The following SLC35E4 variants were observed in gnomAD, a reference collection of about 807,000 sequenced individuals.
The protein encoded by SLC35E4 is solute carrier family 35 member E4.
SLC35E4 carries 15 observed loss-of-function variants against 19.3 expected under a neutral mutation model. That is an observed-to-expected ratio of 0.78 (90% confidence interval 0.52 to 1.20). The LOEUF (loss-of-function observed/expected upper bound fraction) is 1.20. Among genes scored for constraint, SLC35E4 ranks in the 50% most tolerant of loss-of-function variants. The pLI, the probability that SLC35E4 is intolerant of heterozygous loss-of-function variation, is 0.00. For synonymous variants in SLC35E4, 219 were observed against 219.9 expected, an observed-to-expected ratio of 1.00 and a Z score of 0.04; for missense variants, 406 against 472.3, an observed-to-expected ratio of 0.86 and a Z score of 1.30.
Position 30,647,267 on chromosome 22 carries a change from G to A in SLC35E4, c.*236G>A, listed in dbSNP as rs112045007. On this transcript the variant is annotated 3_prime_UTR_variant, in exon 2 of 2. Coordinates refer to ENST00000343605, the MANE Select transcript of SLC35E4 (RefSeq NM_001001479.4). ...AGAAAAATTAGCTGGGCATGGTGGC[G>A]CGTGCCTATAGTCCCAGCTACATGG... 2,747 of 550,446 alleles carry A rather than the reference G, an allele frequency of 5.0e-3. 49 individuals are homozygous for A. Among genetic ancestry groups the A allele is most frequent in the African/African-American group, 0.046 (2,444 of 52,954 alleles). The allele number at this position is 550,446 out of a possible 1,614,324, so 34.1% of individuals were successfully genotyped here.
At chr22:30,655,293 G>A (rs1478560271) in intron 2 of SLC35E4, among the ~76,000 whole-genome samples, 2 of 141,474 alleles carry the variant, frequency 1.4e-5, no homozygotes, top group African/African-American at 5.1e-5. Context: ...CTGTCTCTAC[G>A]GAAAAAAAAA....
downstream of SLC35E4, chr22:30,663,502 T>C (rs1314508449): frequency 6.2e-7 from 1 of 1,614,086 alleles, no homozygotes; most frequent in African/African-American, 1.3e-5. Flanking sequence ...ACTGGGGAAC[T>C]GACCATGTGC....
At chr22:30,650,959 T>TCC (rs936201512), downstream of SLC35E4, among the ~76,000 whole-genome samples, 8 of 149,918 alleles carry the variant, frequency 5.3e-5, no homozygotes, top group African/African-American at 1.5e-4. Flanking sequence ...CCTTCTACCC[T>TCC]CCCCTGGTGG....
Position 30,637,020 on chromosome 22 carries a change from C to G in SLC35E4, c.570C>G (p.Gly190=). Residue 190 remains glycine (G), a synonymous_variant, in exon 1 of 2, where the codon GGC becomes GGG. Transcript: ENST00000343605. Reference sequence around the variant, plus strand: ...TCCGGACACCCCCTACCGGCTGTGGCTTCCTGCTCGCAGCCACCTGCCTCC... The same window carrying G: ...TCCGGACACCCCCTACCGGCTGTGGGTTCCTGCTCGCAGCCACCTGCCTCC... ...GEFRTPPTGC[G]FLLAATCLRG... 1 of 1,594,200 alleles carries G rather than the reference C, an allele frequency of 6.3e-7. No homozygotes were observed. Among genetic ancestry groups the G allele is most frequent in the Non-Finnish European group, 8.6e-7 (1 of 1,166,958 alleles).
At chr22:30,651,377 G>T (rs779269231), downstream of SLC35E4, among the ~76,000 whole-genome samples, 4,447 of 23,806 alleles carry the variant, frequency 0.19, 157 homozygotes, top group South Asian at 0.28. Flanking sequence ...ATTTTTGTGT[G>T]TGTGTGTGTG....
intron 2 of SLC35E4, among the ~76,000 whole-genome samples, chr22:30,658,679 T>C (rs1229506841): frequency 2.6e-5 from 4 of 151,972 alleles, no homozygotes; most frequent in African/African-American, 7.2e-5. Context: ...GCTTGTGAAA[T>C]AGATCCCATA....
At chr22:30,654,205 CAATCTCCT>C (rs1226769156) in intron 2 of SLC35E4, 1 of 309,290 alleles carries the variant, frequency 3.2e-6, no homozygotes, top group African/African-American at 2.2e-5. Context: ...AGGATGGTCT[CAATCTCCT>C]GACCTCCTGA....
In SLC35E4 at chr22:30,636,183, A is replaced by G; in HGVS notation, c.-268A>G. On this transcript the variant is annotated 5_prime_UTR_variant, in exon 1 of 2. Transcript: ENST00000343605. ...GTGGAGACCACCTGGCACGGGGCAG[A>G]GGTGCCTGGAGCCCACGCTTGAGCA... 1 of 473,606 alleles carries G rather than the reference A, an allele frequency of 2.1e-6. No homozygotes were observed. Among genetic ancestry groups the G allele is most frequent in the East Asian group, 3.2e-5 (1 of 30,986 alleles). 29.3% of individuals were successfully genotyped at this position (473,606 alleles called of 1,614,324 possible). A position where few individuals can be genotyped will look rare whatever the true frequency, so the allele number is the denominator to read the frequency against.
downstream of SLC35E4, chr22:30,663,418 C>T: frequency 6.3e-7 from 1 of 1,591,548 alleles, no homozygotes; most frequent in Non-Finnish European, 8.6e-7. Flanking sequence ...GACTCCAATG[C>T]AGGGGCTCGT....
intron 2 of SLC35E4, among the ~76,000 whole-genome samples, chr22:30,653,651 GCC>G (rs2088272312): frequency 6.6e-6 from 1 of 152,106 alleles, no homozygotes; most frequent in African/African-American, 2.4e-5. Flanking sequence ...TTGGGATACA[GCC>G]CTGAGCCACC....
rs184128158 is a variant in SLC35E4 at position 30,657,633 on chromosome 22, G to A, written c.*9-4427G>A. Among the ~76,000 whole-genome samples the A allele has an allele frequency of 3.2e-3, 482 of 151,550 alleles. 1 individual carries two copies. Among genetic ancestry groups the A allele is most frequent in the African/African-American group, 8.0e-3 (330 of 41,312 alleles). Reference sequence around the variant, plus strand: ...AAGATTTAAAAAATAGGCCAGGCGCGGTGGCTCATGCCTGTAATCCCAGTA... The same window carrying A: ...AAGATTTAAAAAATAGGCCAGGCGCAGTGGCTCATGCCTGTAATCCCAGTA... On this transcript the variant is annotated intron_variant, in intron 2 of 2. Coordinates refer to the SLC35E4 transcript ENST00000406566.
chr22:30,650,297 A>G (rs1179231696), downstream of SLC35E4, among the ~76,000 whole-genome samples: 6 of 151,804 alleles, frequency 4.0e-5, no homozygotes, highest in Non-Finnish European at 8.8e-5. Flanking sequence ...ATGCCATTGC[A>G]CTGTAGCCTG....
At chr22:30,667,188 C>G (rs1432110214), downstream of SLC35E4, 1 of 152,092 alleles carries the variant, frequency 6.6e-6, no homozygotes, top group African/African-American at 2.4e-5. Flanking sequence ...TTCCATTTTA[C>G]AAAAGAGGAA....
chr22:30,659,759 C>CTGCAGATGTAACTTA (rs1423406507), intron 2 of SLC35E4, among the ~76,000 whole-genome samples: 1 of 152,206 alleles, frequency 6.6e-6, no homozygotes, highest in Non-Finnish European at 1.5e-5. Flanking sequence ...ACAAAGGAGA[C>CTGCAGATGTAACTTA]TGCAGATGTA....
At chr22:30,654,980 A>C (rs1417072249) in intron 2 of SLC35E4, among the ~76,000 whole-genome samples, 1 of 152,192 alleles carries the variant, frequency 6.6e-6, no homozygotes, top group Non-Finnish European at 1.5e-5. Context: ...ACTGAAGCCC[A>C]AAGAATAGAA....
downstream of SLC35E4, among the ~76,000 whole-genome samples, chr22:30,666,544 C>T (rs1247389028): frequency 7.4e-6 from 1 of 134,536 alleles, no homozygotes; most frequent in African/African-American, 2.9e-5. Flanking sequence ...ATTGCTTGAA[C>T]CCGGGAGGCG....
Position 30,644,299 on chromosome 22 carries a change from AT to A in SLC35E4, c.620-2298del, listed in dbSNP as rs2088093022. ...AAATTTCCTATTCTAAGCATAGCCT[AT>A]GAGTAAGCATCTCTGTGGCTTTTTG... On this transcript the variant is annotated intron_variant, in intron 1 of 1. Coordinates refer to ENST00000343605, the MANE Select transcript of SLC35E4 (RefSeq NM_001001479.4). 3.3e-5 allele frequency among the ~76,000 whole-genome samples: 5 copies of A among 152,234 alleles called. No homozygotes were observed. The South Asian group carries it at 8.3e-4, about 25-fold the overall frequency.
In SLC35E4 at chr22:30,637,059, G is replaced by A. The variant is rs375881400; in HGVS notation, c.609G>A (p.Ser203=). The part of the protein sequence containing the change: ...LAATCLRGLK[S]VQQSALLQEE... Reference sequence around the variant, plus strand: ...CCACCTGCCTCCGCGGACTCAAGTCGGTTCAGCAAAGTAAGTGCCTGGGTG... The same window carrying A: ...CCACCTGCCTCCGCGGACTCAAGTCAGTTCAGCAAAGTAAGTGCCTGGGTG... The change falls in exon 1 of 2, where the codon TCG becomes TCA. Residue 203 remains serine, a synonymous_variant. Coordinates refer to ENST00000343605, the MANE Select transcript of SLC35E4 (RefSeq NM_001001479.4). 36 of 1,565,604 alleles carry A rather than the reference G, an allele frequency of 2.3e-5. No individual in the cohort carries two copies. In the African/African-American group the frequency reaches 4.2e-4, roughly 18 times the overall value.
Position 30,636,546 on chromosome 22 carries a change from G to A in SLC35E4, c.96G>A (p.Glu32=), listed in dbSNP as rs1191647162. 4.5e-6 allele frequency: 7 copies of A among 1,562,390 alleles called. No homozygotes were observed. In the African/African-American group the frequency reaches 6.8e-5, roughly 15 times the overall value. ...GTGCTCAGGCGGCTGGGCCCCCCGA[G>A]TGGCCCCCTGGCAGCCCTCAGGCCC... is the stretch of plus-strand genomic sequence containing the variant. ...AGGAQAAGPP[E]WPPGSPQALR... is the part of the protein sequence containing the mutation. Residue 32 remains glutamate, a synonymous_variant, in exon 1 of 2, where the codon GAG becomes GAA. Transcript: ENST00000343605.
Sources: allele counts gnomAD v4.1 joint callset (sites outside exome capture counted in the v4.1 genomes callset), GRCh38; gene constraint gnomAD v4.1.1; transcripts MANE v1.5; gene names NCBI Gene and HGNC (gene_info 2026-07-23, HGNC 2026-07-21).